SPAG17: variants seen among roughly 807,000 people sequenced by gnomAD.
The protein encoded by SPAG17 is sperm-associated antigen 17.
Under a neutral mutation model 273.6 loss-of-function variants are expected in SPAG17, and 169 were observed. The observed-to-expected ratio is 0.62, with a 90% CI of 0.55 to 0.70. The LOEUF (loss-of-function observed/expected upper bound fraction) is 0.70. SPAG17 is among the 30% of genes least tolerant of loss of function. The pLI is 0.00. For synonymous variants in SPAG17, 825 were observed against 873.2 expected (o/e 0.94, Z 0.97); for missense variants, 2,557 against 2,627.8 (o/e 0.97, Z 0.59).
intron 43 of SPAG17, among the ~76,000 whole-genome samples, chr1:117,977,460 T>G (rs572543485): frequency 3.9e-5 from 6 of 152,356 alleles, no homozygotes; most frequent in African/African-American, 1.4e-4. Flanking sequence ...GATTTTTAGA[T>G]GTCACTTGAC....
intron 20 of SPAG17, among the ~76,000 whole-genome samples, chr1:118,045,355 T>C (rs775999794): frequency 3.9e-5 from 6 of 152,160 alleles, no homozygotes; most frequent in Non-Finnish European, 7.4e-5. Flanking sequence ...GTTAATAATC[T>C]ATCACGCCCA....
At chr1:118,156,388 A>G (rs192443462) in intron 1 of SPAG17, among the ~76,000 whole-genome samples, 1 of 152,296 alleles carries the variant, frequency 6.6e-6, no homozygotes. Context: ...GATGGTTTTG[A>G]CCCTCAAATC....
At chr1:118,053,408 G>A (rs527703750) in intron 20 of SPAG17, among the ~76,000 whole-genome samples, 49 of 152,050 alleles carry the variant, frequency 3.2e-4, no homozygotes, top group South Asian at 2.5e-3. Context: ...TACATGCATA[G>A]GAATAATTAA....
chr1:117,995,665 G>A (rs1159354355), intron 34 of SPAG17, among the ~76,000 whole-genome samples: 2 of 145,464 alleles, frequency 1.4e-5, no homozygotes, highest in Non-Finnish European at 3.0e-5. Context: ...CACACAAAAT[G>A]TATCCCAAAA....
chr1:118,076,524 G>A (rs1434249286), intron 15 of SPAG17: 1 of 152,134 alleles, frequency 6.6e-6, no homozygotes, highest in Non-Finnish European at 1.5e-5. Flanking sequence ...TGAAGCAATT[G>A]ATATGAAATC....
chr1:118,108,499 C>T (rs1357190569), intron 4 of SPAG17, among the ~76,000 whole-genome samples: 3 of 152,154 alleles, frequency 2.0e-5, no homozygotes, highest in African/African-American at 7.2e-5. Flanking sequence ...AACTCTTTCT[C>T]TGGCCTTTCT....
intron 4 of SPAG17, among the ~76,000 whole-genome samples, chr1:118,105,420 G>A (rs150527236): frequency 6.6e-6 from 1 of 152,192 alleles, no homozygotes; most frequent in African/African-American, 2.4e-5. Context: ...TAGCTGCTCA[G>A]GAATAGAAAT....
rs1657657725 is a variant in SPAG17 at position 117,996,371 on chromosome 1, T to C, written c.5052A>G (p.Pro1684=). The change falls in exon 34 of 49, where the codon CCA becomes CCG. Residue 1684 remains proline, a splice_region_variant and synonymous_variant. Coordinates refer to ENST00000336338, the MANE Select transcript of SPAG17 (RefSeq NM_206996.4). ...VVLQEPVQEQ[P]GTLTITVLRP... is the part of the protein sequence containing the mutation. Reference sequence around the variant, plus strand: ...TTCCAGACAGTATGGGTCCTCTACCTGGCTGTTCCTGCACTGGCTCTTGGA... The same window carrying C: ...TTCCAGACAGTATGGGTCCTCTACCCGGCTGTTCCTGCACTGGCTCTTGGA... The C allele has an allele frequency of 3.1e-6, 5 of 1,611,068 alleles. No homozygotes were observed. Among genetic ancestry groups the C allele is most frequent in the Non-Finnish European group, 4.2e-6 (5 of 1,178,448 alleles).
At chr1:117,968,257 A>T (rs1191078618) in intron 46 of SPAG17, among the ~76,000 whole-genome samples, 3 of 152,188 alleles carry the variant, frequency 2.0e-5, no homozygotes, top group African/African-American at 7.2e-5. Context: ...AACTAAAAAA[A>T]CCTTATGGTA....
rs555965232 is a variant in SPAG17, at chr1:118,123,951, T to C, written c.316-8510A>G. Among the ~76,000 whole-genome samples the C allele has an allele frequency of 1.6e-3, 239 of 152,324 alleles. 1 individual carries two copies. The highest frequency in any genetic ancestry group is 5.3e-3 in the African/African-American group (222 of 41,574). On this transcript the variant is annotated intron_variant, in intron 3 of 48. Transcript: ENST00000336338. ...ATGAATTTCCTACGGGAGGTGTACA[T>C]TTTGAACAACCAATATGTGCATGTC...
rs1431231310 is a variant in SPAG17 at position 118,054,050 on chromosome 1, T to C, written c.2766A>G (p.Lys922=). The C allele has an allele frequency of 1.2e-6, 2 of 1,608,284 alleles. No individual in the cohort carries two copies. Among genetic ancestry groups the C allele is most frequent in the South Asian group, 2.2e-5 (2 of 90,684 alleles). ...AAGGAATCTTTTCCTTCTCTTTTTC[T>C]TTTTCTTGATCTGATATCTCTGTTT... ...ISKTEISDQE[K]EKEKEKIPFI... Residue 922 remains lysine (K), a synonymous_variant, in exon 20 of 49, where the codon AAA becomes AAG. Transcript: ENST00000336338.
intron 34 of SPAG17, among the ~76,000 whole-genome samples, chr1:117,994,980 T>C (rs1325633613): frequency 6.6e-6 from 1 of 152,118 alleles, no homozygotes; most frequent in Admixed American, 6.6e-5. Flanking sequence ...TGATGAAAAC[T>C]CTTTTTTGCC....
intron 17 of SPAG17, among the ~76,000 whole-genome samples, chr1:118,071,797 C>A (rs1363465002): frequency 2.0e-5 from 3 of 150,928 alleles, no homozygotes; most frequent in Admixed American, 6.6e-5. Flanking sequence ...TTGATGGAAA[C>A]TAAAAGAAAA....
intron 3 of SPAG17, among the ~76,000 whole-genome samples, chr1:118,127,151 G>A (rs893175427): frequency 1.3e-5 from 2 of 152,060 alleles, no homozygotes; most frequent in East Asian, 1.9e-4. Flanking sequence ...GCTTAGTATC[G>A]CTTTAGAGAA....
chr1:117,960,825 T>G (rs939009290), intron 48 of SPAG17: 6 of 152,264 alleles, frequency 3.9e-5, no homozygotes, highest in African/African-American at 1.2e-4. Context: ...TGTGTGTTAA[T>G]GTTGATAATA....
At chr1:117,997,693 G>A (rs762028608) in intron 32 of SPAG17, among the ~76,000 whole-genome samples, 2 of 151,962 alleles carry the variant, frequency 1.3e-5, no homozygotes, top group Non-Finnish European at 2.9e-5. Context: ...ATTCTCTGTT[G>A]CAGCTACTCA....
rs753059729 is a variant in SPAG17 at position 118,023,296 on chromosome 1, A to G, written c.4069+8T>C. 5.0e-6 allele frequency: 8 copies of G among 1,606,800 alleles called. No individual in the cohort carries two copies. The African/African-American group carries it at 5.4e-5, about 11-fold the overall frequency. The stretch of plus-strand genomic sequence containing the variant: ...ATCCATAATAAACTGAGAGGCTTCA[A>G]TTGTTACCTTTCTTTGTGTTGGTAA... On this transcript the variant is annotated splice_region_variant and intron_variant, in intron 28 of 48. Transcript: ENST00000336338.
chr1:118,093,472 C>G (rs930788891), intron 7 of SPAG17, among the ~76,000 whole-genome samples, 155 bp from the exon 8 acceptor site: 10 of 152,124 alleles, frequency 6.6e-5, no homozygotes, highest in African/African-American at 2.2e-4. Flanking sequence ...CATGGTGACC[C>G]CATTTATATT....
chr1:118,175,112 C>A (rs1347764968), intron 1 of SPAG17, among the ~76,000 whole-genome samples: 2 of 152,122 alleles, frequency 1.3e-5, no homozygotes, highest in Admixed American at 6.5e-5. Flanking sequence ...CTCACTGCAA[C>A]CTCCACCTCC....
Sources: gnomAD v4.1 joint callset for allele counts (sites outside exome capture counted in the v4.1 genomes callset) on GRCh38, gnomAD v4.1.1 for gene constraint, MANE v1.5 for transcripts, NCBI Gene and HGNC (gene_info 2026-07-23, HGNC 2026-07-21) for gene names.